TAFA5: variants seen among roughly 807,000 people sequenced by gnomAD.
The protein encoded by TAFA5 is chemokine-like protein TAFA-5.
In TAFA5, 6 loss-of-function variants were observed where a neutral mutation model predicts 15.3. That is an observed-to-expected ratio of 0.39 (90% CI 0.21 to 0.77). The LOEUF is 0.77. TAFA5 is among the 30% of genes least tolerant of loss of function. The probability of loss-of-function intolerance (pLI) is 0.41; values close to 1 mark genes in which losing one functional copy is unlikely to be tolerated. For synonymous variants in TAFA5, 103 were observed against 80.7 expected (o/e 1.28, Z -1.48); for missense variants, 161 against 193.1 (o/e 0.83, Z 0.98).
intron 1 of TAFA5, among the ~76,000 whole-genome samples, chr22:48,623,452 C>T (rs9628586): frequency 0.16 from 19,878 of 126,170 alleles, 2,058 homozygotes; most frequent in South Asian, 0.25. Context: ...CGTGGCCCTG[C>T]GCGGTGACCT....
intron 1 of TAFA5, among the ~76,000 whole-genome samples, chr22:48,556,165 A>C (rs1250350241): frequency 6.6e-6 from 1 of 152,194 alleles, no homozygotes; most frequent in Non-Finnish European, 1.5e-5. Flanking sequence ...AGGGCATCAC[A>C]GGCAGAGGAG....
At chr22:48,689,232 G>A (rs762712462) in intron 2 of TAFA5, among the ~76,000 whole-genome samples, 18 of 152,224 alleles carry the variant, frequency 1.2e-4, no homozygotes, top group Non-Finnish European at 2.1e-4. Context: ...TGGTCTGCAC[G>A]CCGTATGCAG....
At chr22:48,573,892 T>G (rs1022958136) in intron 1 of TAFA5, among the ~76,000 whole-genome samples, 1 of 152,190 alleles carries the variant, frequency 6.6e-6, no homozygotes, top group African/African-American at 2.4e-5. Flanking sequence ...GCAGGCTCTC[T>G]CTCCTGATTG....
intron 1 of TAFA5, among the ~76,000 whole-genome samples, chr22:48,513,216 T>A (rs1921286945): frequency 6.6e-6 from 1 of 152,206 alleles, no homozygotes; most frequent in African/African-American, 2.4e-5. Context: ...CACTCCGCAT[T>A]GGTGATAAGA....
At chr22:48,618,598 G>T (rs1017588074) in intron 1 of TAFA5, among the ~76,000 whole-genome samples, 2 of 152,054 alleles carry the variant, frequency 1.3e-5, no homozygotes, top group Non-Finnish European at 2.9e-5. Flanking sequence ...GTGCACAGTG[G>T]GCCCTTGCTA....
At chr22:48,500,999 G>T (rs1441690812) in intron 1 of TAFA5, among the ~76,000 whole-genome samples, 1 of 151,264 alleles carries the variant, frequency 6.6e-6, no homozygotes, top group Non-Finnish European at 1.5e-5. Flanking sequence ...CCATGGGCAT[G>T]GCCACTGTGT....
chr22:48,719,279 G>C (rs738699), intron 3 of TAFA5, among the ~76,000 whole-genome samples: 41,207 of 152,084 alleles, frequency 0.27, 5,865 homozygotes, highest in Admixed American at 0.36. Context: ...CCTCGGGTGA[G>C]GTGGCACGTC....
At chr22:48,650,700 A>G (rs1381345257) in intron 2 of TAFA5, among the ~76,000 whole-genome samples, 1 of 152,082 alleles carries the variant, frequency 6.6e-6, no homozygotes, top group Non-Finnish European at 1.5e-5. Context: ...GTGCACCTGC[A>G]TGCGAGATCC....
chr22:48,716,431 C>T (rs1238275756), intron 3 of TAFA5, among the ~76,000 whole-genome samples: 1 of 152,218 alleles, frequency 6.6e-6, no homozygotes, highest in East Asian at 1.9e-4. Flanking sequence ...GAAAACCGAA[C>T]ACCACGTGTT....
chr22:48,685,969 ACG>A (rs1928340959), intron 2 of TAFA5, among the ~76,000 whole-genome samples: 1 of 132,752 alleles, frequency 7.5e-6, no homozygotes, highest in African/African-American at 4.1e-5. Context: ...CCGGGAGTAC[ACG>A]CAGGCCCCAC....
At chr22:48,654,320 C>A (rs938529243) in intron 2 of TAFA5, among the ~76,000 whole-genome samples, 1 of 152,176 alleles carries the variant, frequency 6.6e-6, no homozygotes, top group East Asian at 1.9e-4. Flanking sequence ...GGTGTCCTGG[C>A]CCCCTCGAAC....
chr22:48,527,804 G>T (rs1011443227), intron 1 of TAFA5, among the ~76,000 whole-genome samples: 5 of 152,226 alleles, frequency 3.3e-5, no homozygotes, highest in Admixed American at 1.3e-4. Flanking sequence ...ATGGTGGCCG[G>T]GAGGTCAGAG....
intron 2 of TAFA5, among the ~76,000 whole-genome samples, chr22:48,654,346 G>A (rs1163288706): frequency 6.6e-6 from 1 of 152,196 alleles, no homozygotes; most frequent in Non-Finnish European, 1.5e-5. Flanking sequence ...AAGCCTGCCC[G>A]TGGAAGGCCC....
At chr22:48,618,168 C>T (rs542016873) in intron 1 of TAFA5, among the ~76,000 whole-genome samples, 1 of 152,124 alleles carries the variant, frequency 6.6e-6, no homozygotes, top group Non-Finnish European at 1.5e-5. Flanking sequence ...CTGGCCAAGC[C>T]GTGGATACCT....
intron 1 of TAFA5, among the ~76,000 whole-genome samples, chr22:48,513,630 C>A (rs866029123): frequency 5.9e-5 from 9 of 152,376 alleles, no homozygotes; most frequent in Middle Eastern, 6.8e-3. Context: ...AGCACCTGGG[C>A]AGGCCTGTGC....
chr22:48,649,181 G>A (rs1233370987), intron 2 of TAFA5, among the ~76,000 whole-genome samples: 1 of 152,226 alleles, frequency 6.6e-6, no homozygotes, highest in African/African-American at 2.4e-5. Flanking sequence ...AGCTCTCCTG[G>A]TCACAGATGC....
At chr22:48,650,322 G>T (rs1462967085) in intron 2 of TAFA5, among the ~76,000 whole-genome samples, 4 of 152,158 alleles carry the variant, frequency 2.6e-5, no homozygotes, top group Non-Finnish European at 5.9e-5. Context: ...TCATACATTT[G>T]CTCACTCACT....
intron 1 of TAFA5, among the ~76,000 whole-genome samples, chr22:48,537,191 C>T (rs1487110036): frequency 7.9e-6 from 1 of 125,838 alleles, no homozygotes; most frequent in Non-Finnish European, 1.6e-5. Flanking sequence ...GTTCCTCTGC[C>T]TTTGAGACAC....
chr22:48,719,088 G>A (rs1187093844), intron 3 of TAFA5, among the ~76,000 whole-genome samples: 1 of 152,216 alleles, frequency 6.6e-6, no homozygotes, highest in Non-Finnish European at 1.5e-5. Context: ...TGGGCCCAGG[G>A]GGATTTTCAA....
Sources: gnomAD v4.1 joint callset for allele counts (sites outside exome capture counted in the v4.1 genomes callset) on GRCh38, gnomAD v4.1.1 for gene constraint, MANE v1.5 for transcripts, NCBI Gene and HGNC (gene_info 2026-07-23, HGNC 2026-07-21) for gene names.